Variants in CNTNAP2 observed in about 807,000 individuals in gnomAD.
The protein encoded by CNTNAP2 is contactin-associated protein-like 2.
CNTNAP2 carries 98 observed loss-of-function variants against 155.2 expected under a neutral mutation model. The observed-to-expected ratio is 0.63, with a 90% CI of 0.54 to 0.75. The LOEUF (loss-of-function observed/expected upper bound fraction) is 0.75. Among genes scored for constraint, CNTNAP2 ranks in the 30% least tolerant of loss-of-function variants. The pLI, the probability that CNTNAP2 is intolerant of heterozygous loss-of-function variation, is 0.00. For synonymous variants in CNTNAP2, 651 were observed against 631.2 expected (o/e 1.03, Z -0.47); for missense variants, 1,727 against 1,688.1 (o/e 1.02, Z -0.40).
chr7:147,746,461 C>A (rs114066045), intron 13 of CNTNAP2, among the ~76,000 whole-genome samples: 1 of 152,126 alleles, frequency 6.6e-6, no homozygotes, highest in African/African-American at 2.4e-5. Flanking sequence ...TCCGCTGGGA[C>A]GAGGACGAAA....
chr7:147,819,422 A>G (rs1353217235), intron 13 of CNTNAP2, among the ~76,000 whole-genome samples: 2 of 152,220 alleles, frequency 1.3e-5, no homozygotes, highest in East Asian at 1.9e-4. Flanking sequence ...TCCCATCTAA[A>G]TAATGAATTC....
chr7:146,975,326 A>C (rs904762833), intron 3 of CNTNAP2, among the ~76,000 whole-genome samples: 6 of 152,082 alleles, frequency 3.9e-5, no homozygotes, highest in Non-Finnish European at 8.8e-5. Flanking sequence ...TAAGCTGGGC[A>C]TGGTGGCAGG....
intron 13 of CNTNAP2, among the ~76,000 whole-genome samples, chr7:147,857,630 C>T (rs1455738379): frequency 6.6e-6 from 1 of 152,180 alleles, no homozygotes; most frequent in Non-Finnish European, 1.5e-5. Flanking sequence ...GTCCTGCTTT[C>T]GGTTGATTCT....
At chr7:146,895,363 T>C (rs1375569427) in intron 3 of CNTNAP2, among the ~76,000 whole-genome samples, 2 of 151,144 alleles carry the variant, frequency 1.3e-5, no homozygotes, top group Non-Finnish European at 3.0e-5. Flanking sequence ...CTCTTTCTTT[T>C]TTCCTATTTC....
At chr7:146,433,405 TCTC>T (rs1342185303) in intron 1 of CNTNAP2, among the ~76,000 whole-genome samples, 1 of 152,054 alleles carries the variant, frequency 6.6e-6, no homozygotes, top group Admixed American at 6.6e-5. Context: ...AGGAGACAAA[TCTC>T]CTTAAACACA....
chr7:146,166,953 G>A (rs1798320970), intron 1 of CNTNAP2, among the ~76,000 whole-genome samples: 2 of 152,274 alleles, frequency 1.3e-5, no homozygotes, highest in Non-Finnish European at 2.9e-5. Flanking sequence ...TGTGAGTAAC[G>A]TGAAAGACAT....
At chr7:147,051,848 C>A (rs1799480241) in intron 4 of CNTNAP2, among the ~76,000 whole-genome samples, 1 of 152,080 alleles carries the variant, frequency 6.6e-6, no homozygotes, top group African/African-American at 2.4e-5. Flanking sequence ...CATATTACAT[C>A]TGGGCTGACT....
chr7:147,337,750 T>C (rs1057306407), intron 9 of CNTNAP2, among the ~76,000 whole-genome samples: 5 of 152,136 alleles, frequency 3.3e-5, no homozygotes, highest in Admixed American at 6.5e-5. Flanking sequence ...ATTTCTAGGA[T>C]GAGCTTGCTC....
intron 1 of CNTNAP2, among the ~76,000 whole-genome samples, chr7:146,284,146 C>T (rs6975054): frequency 0.026 from 3,880 of 152,142 alleles, 165 homozygotes; most frequent in African/African-American, 0.089. Context: ...AGCTAGTGTT[C>T]GTTTTAGAAT....
intron 8 of CNTNAP2, among the ~76,000 whole-genome samples, chr7:147,261,128 GATTT>G (rs1804455411): frequency 6.6e-6 from 1 of 152,158 alleles, no homozygotes; most frequent in Non-Finnish European, 1.5e-5. Flanking sequence ...GCTTTTGAAT[GATTT>G]ATTAAAAATA....
chr7:147,115,172 GA>G (rs1800961296), intron 5 of CNTNAP2, among the ~76,000 whole-genome samples: 1 of 152,196 alleles, frequency 6.6e-6, no homozygotes, highest in Non-Finnish European at 1.5e-5. Context: ...TTTCTGCTGA[GA>G]GGGCTGCTTT....
intron 1 of CNTNAP2, among the ~76,000 whole-genome samples, chr7:146,609,257 C>G (rs77104138): frequency 2.0e-4 from 31 of 152,270 alleles, no homozygotes; most frequent in Non-Finnish European, 3.2e-4. Flanking sequence ...TTGTCTTCTT[C>G]TGTAGTGAGC....
At chr7:147,271,044 G>C (rs1424656972) in intron 8 of CNTNAP2, among the ~76,000 whole-genome samples, 1 of 151,732 alleles carries the variant, frequency 6.6e-6, no homozygotes, top group African/African-American at 2.4e-5. Context: ...AGAAAATCTT[G>C]TATCTCTACC....
At chr7:147,657,009 A>C (rs1795535667) in intron 13 of CNTNAP2, among the ~76,000 whole-genome samples, 2 of 152,140 alleles carry the variant, frequency 1.3e-5, no homozygotes, top group African/African-American at 4.8e-5. Flanking sequence ...ACAAACACAC[A>C]CTCGTGGTTT....
intron 21 of CNTNAP2, among the ~76,000 whole-genome samples, chr7:148,330,505 AGTGGATG>A (rs1797972441): frequency 7.1e-6 from 1 of 139,952 alleles, no homozygotes; most frequent in Non-Finnish European, 1.5e-5. Flanking sequence ...GGATGGATGG[AGTGGATG>A]GATGGAGTGG....
At chr7:147,291,894 T>C (rs1416958436) in intron 8 of CNTNAP2, among the ~76,000 whole-genome samples, 1 of 152,166 alleles carries the variant, frequency 6.6e-6, no homozygotes, top group African/African-American at 2.4e-5. Flanking sequence ...AATGTGCTTA[T>C]GAATAATTAA....
chr7:146,550,877 G>C (rs1313950651), intron 1 of CNTNAP2, among the ~76,000 whole-genome samples: 2 of 152,042 alleles, frequency 1.3e-5, no homozygotes, highest in African/African-American at 4.8e-5. Context: ...GATGCTTCAT[G>C]AATGAAGTGA....
chr7:146,371,376 T>G (rs911063845), intron 1 of CNTNAP2, among the ~76,000 whole-genome samples: 25 of 140,206 alleles, frequency 1.8e-4, no homozygotes, highest in Non-Finnish European at 3.2e-4. Context: ...TTTTTTTTTT[T>G]TTTTTTTTTT....
chr7:146,364,724 G>A (rs538502027), intron 1 of CNTNAP2, among the ~76,000 whole-genome samples: 114 of 152,260 alleles, frequency 7.5e-4, no homozygotes, highest in African/African-American at 2.3e-3. Context: ...TAATCAGAAT[G>A]CAAAGATAAT....
Sources: gnomAD v4.1 joint callset for allele counts (sites outside exome capture counted in the v4.1 genomes callset) on GRCh38, gnomAD v4.1.1 for gene constraint, MANE v1.5 for transcripts, NCBI Gene and HGNC (gene_info 2026-07-23, HGNC 2026-07-21) for gene names.